The following DLG2 variants were observed in gnomAD, a reference collection of about 807,000 sequenced individuals.
DLG2 encodes discs large MAGUK scaffold protein 2, also known as disks large homolog 2.
In DLG2, 45 loss-of-function variants were observed where a neutral mutation model predicts 132.5. The observed-to-expected ratio is 0.34, with a 90% CI of 0.27 to 0.44. The LOEUF (loss-of-function observed/expected upper bound fraction) is 0.44, where lower values mean the gene tolerates loss of function less well. Among genes scored for constraint, DLG2 ranks in the 20% least tolerant of loss-of-function variants. The pLI is 1.00. For synonymous variants in DLG2, 424 were observed against 419.6 expected (o/e 1.01, Z -0.13); for missense variants, 1,045 against 1,196.9 (o/e 0.87, Z 1.87).
At chr11:84,149,849 C>A (rs770675970) in intron 9 of DLG2, among the ~76,000 whole-genome samples, 10 of 152,088 alleles carry the variant, frequency 6.6e-5, no homozygotes, top group Non-Finnish European at 1.2e-4. Flanking sequence ...CCTCCACCTC[C>A]CGGGTTCAAG....
At chr11:84,184,072 A>G (rs2096216547) in intron 8 of DLG2, among the ~76,000 whole-genome samples, 1 of 152,048 alleles carries the variant, frequency 6.6e-6, no homozygotes, top group African/African-American at 2.4e-5. Flanking sequence ...ATGTTTTATA[A>G]TCCTTTGGGT....
At chr11:84,067,549 C>T (rs1019987932) in intron 10 of DLG2, among the ~76,000 whole-genome samples, 3 of 102,132 alleles carry the variant, frequency 2.9e-5, no homozygotes, top group African/African-American at 6.8e-5. Context: ...AAATAATACA[C>T]CCCCCACCAC....
At chr11:84,973,050 C>A (rs2054332478) in intron 6 of DLG2, among the ~76,000 whole-genome samples, 1 of 151,850 alleles carries the variant, frequency 6.6e-6, no homozygotes. Flanking sequence ...CTCCTCCTCC[C>A]AGGTTTAAGT....
At chr11:84,829,356 A>G (rs760948752) in intron 6 of DLG2, among the ~76,000 whole-genome samples, 13 of 151,784 alleles carry the variant, frequency 8.6e-5, no homozygotes, top group Non-Finnish European at 1.3e-4. Context: ...CAGCCACCAT[A>G]GGGGCTGTTT....
intron 7 of DLG2, among the ~76,000 whole-genome samples, chr11:84,310,606 A>G (rs1194803436): frequency 6.6e-6 from 1 of 152,176 alleles, no homozygotes; most frequent in Non-Finnish European, 1.5e-5. Flanking sequence ...TGCCACAGGA[A>G]TACTTACAAT....
intron 7 of DLG2, among the ~76,000 whole-genome samples, chr11:84,305,606 T>C (rs1163502781): frequency 6.6e-6 from 1 of 152,158 alleles, no homozygotes; most frequent in Non-Finnish European, 1.5e-5. Context: ...GTTATCTGTC[T>C]ATCTATCTAT....
At chr11:85,484,963 C>A (rs1452006070) in intron 3 of DLG2, among the ~76,000 whole-genome samples, 3 of 152,174 alleles carry the variant, frequency 2.0e-5, no homozygotes, top group Admixed American at 2.0e-4. Context: ...AAATGTCCGA[C>A]AATCATAGAC....
At chr11:85,451,476 T>G (rs2092241877) in intron 3 of DLG2, among the ~76,000 whole-genome samples, 1 of 152,208 alleles carries the variant, frequency 6.6e-6, no homozygotes, top group Non-Finnish European at 1.5e-5. Context: ...AATTGTGACT[T>G]GCTTTATTGT....
intron 3 of DLG2, among the ~76,000 whole-genome samples, chr11:85,405,854 A>T (rs547365556): frequency 1.2e-4 from 18 of 152,146 alleles, no homozygotes; most frequent in East Asian, 1.9e-4. Context: ...ATTGAAAATT[A>T]TGTAAAGTGA....
intron 19 of DLG2, 43 bp from the exon 20 acceptor site, chr11:83,541,901 C>A (rs1277487723): frequency 4.6e-6 from 7 of 1,534,896 alleles, no homozygotes; most frequent in Non-Finnish European, 5.3e-6. Flanking sequence ...GAATCTCTGG[C>A]AGCACAGATT....
intron 7 of DLG2, among the ~76,000 whole-genome samples, chr11:84,357,154 A>G (rs2098619375): frequency 6.6e-6 from 1 of 152,072 alleles, no homozygotes; most frequent in Non-Finnish European, 1.5e-5. Flanking sequence ...GAGACAGCAC[A>G]GTCTGGATGT....
chr11:85,423,383 T>G (rs2090469114), intron 3 of DLG2, among the ~76,000 whole-genome samples: 1 of 152,228 alleles, frequency 6.6e-6, no homozygotes, highest in Non-Finnish European at 1.5e-5. Flanking sequence ...GGTGGTTTAA[T>G]GCACTATATT....
chr11:85,270,648 T>A (rs1377742603), intron 4 of DLG2, among the ~76,000 whole-genome samples: 3 of 152,168 alleles, frequency 2.0e-5, no homozygotes, highest in Admixed American at 2.0e-4. Context: ...ATGCTCAAGA[T>A]GATATGAACA....
At chr11:83,594,736 G>C (rs1251456151) in intron 19 of DLG2, among the ~76,000 whole-genome samples, 1 of 152,122 alleles carries the variant, frequency 6.6e-6, no homozygotes, top group African/African-American at 2.4e-5. Flanking sequence ...AGCTGCCATG[G>C]GAATTGTGAA....
chr11:83,598,448 G>A (rs535061296), intron 19 of DLG2, among the ~76,000 whole-genome samples: 3 of 152,336 alleles, frequency 2.0e-5, no homozygotes, highest in African/African-American at 7.2e-5. Flanking sequence ...GCTAATGACA[G>A]TGTAGTAGAA....
At chr11:85,299,573 G>A (rs2079454455) in intron 3 of DLG2, among the ~76,000 whole-genome samples, 1 of 152,124 alleles carries the variant, frequency 6.6e-6, no homozygotes, top group African/African-American at 2.4e-5. Flanking sequence ...TGTGTCATTG[G>A]AATATATGTT....
At chr11:84,771,145 T>C (rs1173234156) in intron 6 of DLG2, among the ~76,000 whole-genome samples, 2 of 152,332 alleles carry the variant, frequency 1.3e-5, no homozygotes, top group East Asian at 1.9e-4. Flanking sequence ...AGTCGTGGGA[T>C]TGCTGGGTCA....
At chr11:85,521,239 C>T (rs1361530305) in intron 3 of DLG2, among the ~76,000 whole-genome samples, 1 of 152,186 alleles carries the variant, frequency 6.6e-6, no homozygotes, top group Admixed American at 6.5e-5. Context: ...CCATGCTGTT[C>T]TTATGATAGT....
At chr11:85,097,476 A>T (rs547782710) in intron 6 of DLG2, among the ~76,000 whole-genome samples, 9 of 152,310 alleles carry the variant, frequency 5.9e-5, no homozygotes, top group African/African-American at 2.2e-4. Flanking sequence ...TAAAGGAGGG[A>T]AGATAGATGT....
Sources: allele counts gnomAD v4.1 joint callset (sites outside exome capture counted in the v4.1 genomes callset), GRCh38; gene constraint gnomAD v4.1.1; transcripts MANE v1.5; gene names NCBI Gene and HGNC (gene_info 2026-07-23, HGNC 2026-07-21).